ST7L: variants seen among roughly 807,000 people sequenced by gnomAD.
ST7L encodes the protein suppressor of tumorigenicity 7 protein-like.
In ST7L, 57 loss-of-function variants were observed where a neutral mutation model predicts 72.5. The observed-to-expected ratio is 0.79, with a 90% CI of 0.64 to 0.98. The LOEUF (loss-of-function observed/expected upper bound fraction) is 0.98, where lower values mean the gene tolerates loss of function less well. ST7L is among the 50% of genes least tolerant of loss of function. The pLI is 0.00. For missense variants in ST7L, 576 were observed against 672.2 expected, an observed-to-expected ratio of 0.86 and a Z score of 1.58; for synonymous variants, 221 against 240.9, an observed-to-expected ratio of 0.92 and a Z score of 0.77.
chr1:112,534,017 A>G (rs1198025532), intron 14 of ST7L, among the ~76,000 whole-genome samples: 3 of 152,214 alleles, frequency 2.0e-5, no homozygotes, highest in Non-Finnish European at 4.4e-5. Flanking sequence ...TTCATCAAAC[A>G]GACTTAAACT....
At chr1:112,541,789 A>G in intron 14 of ST7L, 162 bp downstream of exon 14, 1 of 1,333,218 alleles carries the variant, frequency 7.5e-7, no homozygotes, top group East Asian at 2.8e-5. Flanking sequence ...ATCACCAAAA[A>G]TTTATGTTTG....
chr1:112,618,979 C>G lies in ST7L; in HGVS notation c.135G>C (p.Trp45Cys), dbSNP rs150176703. 6 of 1,610,288 alleles carry G rather than the reference C, an allele frequency of 3.7e-6. No homozygotes were observed. The African/African-American group carries it at 8.0e-5, about 21-fold the overall frequency. ...AAAGCAGCCCCAGCCCCGCCACGAA[C>G]CACAACGAGGCCCCAGTCCCCGCCA... Reference protein sequence around the residue: ...AGLAGTGASLWFVAGLGLLYA... With the variant: ...AGLAGTGASLCFVAGLGLLYA... The change falls in exon 1 of 15, where the codon TGG becomes TGC. Residue 45 changes from tryptophan to cysteine, a missense_variant. By Grantham distance (215) the Trp-to-Cys change is radical. Around this residue, in one of 3 missense-constraint regions of ST7L, gnomAD observed 9 missense variants for 25.6 expected, o/e 0.35. Transcript: ENST00000358039.
chr1:112,565,078 C>T (rs910107243), intron 11 of ST7L, among the ~76,000 whole-genome samples: 3 of 151,010 alleles, frequency 2.0e-5, no homozygotes, highest in Non-Finnish European at 4.4e-5. Flanking sequence ...GAGCTTTGCT[C>T]TTGTTGCCCA....
At chr1:112,583,689 A>C (rs1664454927) in intron 7 of ST7L, among the ~76,000 whole-genome samples, 1 of 152,224 alleles carries the variant, frequency 6.6e-6, no homozygotes, top group African/African-American at 2.4e-5. Flanking sequence ...TTATGTTTTT[A>C]CAATGACCAG....
intron 13 of ST7L, among the ~76,000 whole-genome samples, chr1:112,549,450 CCATTT>C: frequency 6.6e-6 from 1 of 152,072 alleles, no homozygotes; most frequent in East Asian, 1.9e-4. Context: ...GAATGTCTCT[CCATTT>C]ATTTAGTTTT....
At chr1:112,618,134 T>C (rs1670224342) in intron 1 of ST7L, 5 of 1,282,942 alleles carry the variant, frequency 3.9e-6, no homozygotes, top group African/African-American at 3.1e-5. Flanking sequence ...TGCTCAGATC[T>C]TGAGTGAAAT....
intron 11 of ST7L, among the ~76,000 whole-genome samples, chr1:112,575,013 C>T (rs571933221): frequency 1.3e-5 from 2 of 152,008 alleles, no homozygotes; most frequent in South Asian, 2.1e-4. Flanking sequence ...CTGAGGCGGG[C>T]GGATCACAAG....
At position 112,591,618 on chromosome 1, in the gene ST7L, T is replaced by G. The variant is rs750924797; in HGVS notation, c.623-15A>C. The G allele has an allele frequency of 1.8e-5, 29 of 1,599,372 alleles. No homozygotes were observed. Among genetic ancestry groups the G allele is most frequent in the Non-Finnish European group, 1.9e-5 (22 of 1,174,530 alleles). On this transcript the variant is annotated splice_polypyrimidine_tract_variant and intron_variant, in intron 5 of 14. Transcript: ENST00000358039. ...CTTCTGCATAACTGTAGAAAAAAATTCCATAAAATAGATGAGATGGTAAAA... is the reference window on the plus strand; with the variant it reads ...CTTCTGCATAACTGTAGAAAAAAATGCCATAAAATAGATGAGATGGTAAAA...
chr1:112,541,290 A>C (rs932763393), intron 14 of ST7L, among the ~76,000 whole-genome samples: 1 of 152,178 alleles, frequency 6.6e-6, no homozygotes, highest in Non-Finnish European at 1.5e-5. Context: ...TCAGAAAAAA[A>C]AAAAAAAGTA....
chr1:112,606,170 T>G (rs1311706438), intron 3 of ST7L, among the ~76,000 whole-genome samples: 1 of 152,206 alleles, frequency 6.6e-6, no homozygotes, highest in Admixed American at 6.5e-5. Context: ...ATCCCTACTA[T>G]TGTCTTCAGA....
chr1:112,526,062 T>C lies in ST7L; in HGVS notation c.1679A>G (p.Glu560Gly). The C allele has an allele frequency of 6.2e-7, 1 of 1,614,128 alleles. No homozygotes were observed. Among genetic ancestry groups the C allele is most frequent in the Non-Finnish European group, 8.5e-7 (1 of 1,180,030 alleles). The change falls in exon 15 of 15, where the codon GAG (glutamate) becomes GGG (glycine). Residue 560 changes from glutamate to glycine, a missense_variant. Glu to Gly is a moderately conservative substitution (Grantham distance 98). This residue lies in a region of ST7L where 511 missense variants were observed against 600.7 expected (regional missense o/e 0.85). Coordinates refer to ENST00000358039, the MANE Select transcript of ST7L (RefSeq NM_017744.5). ...TTCTGACTTCAAATCCTGTGTATTC[T>C]CCTCAAAGCCTGAGGATGCCCAGGG... ...PQPWASSGFE[E>G]NTQDLKSEDL...
At chr1:112,575,808 T>C (rs1033339735) in intron 11 of ST7L, among the ~76,000 whole-genome samples, 1 of 152,274 alleles carries the variant, frequency 6.6e-6, no homozygotes, top group African/African-American at 2.4e-5. Flanking sequence ...TTTAAATTTA[T>C]GGAACCAGTG....
intron 11 of ST7L, among the ~76,000 whole-genome samples, chr1:112,556,976 AAAAAAAAAC>A (rs1197116215): frequency 3.7e-4 from 50 of 135,594 alleles, no homozygotes; most frequent in Middle Eastern, 3.6e-3. Flanking sequence ...CAAAAAAAAA[AAAAAAAAAC>A]AAAAAAAAAA....
chr1:112,605,933 C>T lies in ST7L; in HGVS notation c.451+4908G>A, dbSNP rs932270103. 4.7e-4 allele frequency among the ~76,000 whole-genome samples: 72 copies of T among 152,200 alleles called. 1 individual carries two copies. Among genetic ancestry groups the T allele is most frequent in the African/African-American group, 1.5e-3 (64 of 41,436 alleles). On this transcript the variant is annotated intron_variant, in intron 3 of 14. Transcript: ENST00000358039. ...GCAGTCCTGGATTTGGTCATTCTTC[C>T]TTTTCTTTGAAGTCAATACATGTTG...
intron 14 of ST7L, among the ~76,000 whole-genome samples, chr1:112,530,667 G>A (rs150519671): frequency 0.017 from 2,588 of 152,154 alleles, 37 homozygotes; most frequent in Non-Finnish European, 0.027. Context: ...TACCCACCTC[G>A]GCCTCCCAAA....
At chr1:112,595,031 T>C (rs1163285972) in intron 5 of ST7L, among the ~76,000 whole-genome samples, 1 of 152,052 alleles carries the variant, frequency 6.6e-6, no homozygotes, top group East Asian at 1.9e-4. Context: ...AAAACAGATA[T>C]GTGTTCAAGA....
At chr1:112,550,398 C>T (rs1303959651) in intron 13 of ST7L, among the ~76,000 whole-genome samples, 1 of 151,904 alleles carries the variant, frequency 6.6e-6, no homozygotes, top group Admixed American at 6.6e-5. Context: ...TCTTGGTGTC[C>T]TTTGTTGCAT....
chr1:112,520,345 A>G (rs554400148), downstream of ST7L: 1 of 1,614,162 alleles, frequency 6.2e-7, no homozygotes, highest in Non-Finnish European at 8.5e-7. Flanking sequence ...TTGTGAAATC[A>G]TGTGCTGTGG....
rs186753814 is a variant in ST7L, at chr1:112,574,455, C to G, written c.1245+2531G>C. On this transcript the variant is annotated intron_variant, in intron 11 of 14. Transcript: ENST00000358039. ...CGGGCGGATCACAAGGTCAGGAGAT[C>G]GAGACCATCCTGGCTAACACTGTGA... Among the ~76,000 whole-genome samples, 430 of 151,756 alleles carry G rather than the reference C, an allele frequency of 2.8e-3. 3 individuals are homozygous for G. Among genetic ancestry groups the G allele is most frequent in the Middle Eastern group, 0.01 (3 of 290 alleles).
Sources: gnomAD v4.1 joint callset for allele counts (sites outside exome capture counted in the v4.1 genomes callset) on GRCh38, gnomAD v4.1.1 for gene constraint, gnomAD v4.1.1 regional missense constraint, MANE v1.5 for transcripts, NCBI Gene and HGNC (gene_info 2026-07-23, HGNC 2026-07-21) for gene names.